PTPRN2: variants seen among roughly 807,000 people sequenced by gnomAD.
PTPRN2 encodes protein tyrosine phosphatase receptor type N2.
PTPRN2 carries 74 observed loss-of-function variants against 118.8 expected under a neutral mutation model. That is an observed-to-expected ratio of 0.62 (90% CI 0.52 to 0.76). The LOEUF (loss-of-function observed/expected upper bound fraction) is 0.76. Among genes scored for constraint, PTPRN2 ranks in the 30% least tolerant of loss-of-function variants. The pLI is 0.00. For missense variants in PTPRN2, 1,481 were observed against 1,394.4 expected, an observed-to-expected ratio of 1.06 and a Z score of -0.99; for synonymous variants, 641 against 608.0, an observed-to-expected ratio of 1.05 and a Z score of -0.80.
intron 3 of PTPRN2, among the ~76,000 whole-genome samples, chr7:158,250,109 C>T (rs1796562217): frequency 6.6e-6 from 1 of 152,132 alleles, no homozygotes; most frequent in African/African-American, 2.4e-5. Context: ...AAGTATGGTA[C>T]ATCAGCTCTA....
intron 12 of PTPRN2, among the ~76,000 whole-genome samples, chr7:157,802,616 T>C (rs1805385913): frequency 1.3e-5 from 2 of 152,236 alleles, no homozygotes; most frequent in Admixed American, 6.5e-5. Flanking sequence ...CTGAATCATA[T>C]GGTGGCTCTA....
chr7:158,138,644 G>A, intron 6 of PTPRN2, 129 bp from the exon 7 acceptor site: 1 of 755,876 alleles, frequency 1.3e-6, no homozygotes, highest in Non-Finnish European at 2.1e-6. Context: ...GCCAGGCGCA[G>A]GCCAGTGCTC....
intron 2 of PTPRN2, among the ~76,000 whole-genome samples, chr7:158,383,779 C>T (rs777377524): frequency 2.0e-5 from 3 of 152,196 alleles, no homozygotes; most frequent in African/African-American, 4.8e-5. Flanking sequence ...GGTGTCTTCA[C>T]GCACACATAT....
chr7:158,194,103 G>A (rs188066737), intron 4 of PTPRN2, among the ~76,000 whole-genome samples: 3 of 151,470 alleles, frequency 2.0e-5, no homozygotes, highest in Non-Finnish European at 2.9e-5. Flanking sequence ...AACAAAAAAA[G>A]TGTGTGCACG....
intron 6 of PTPRN2, among the ~76,000 whole-genome samples, chr7:158,150,913 G>T (rs1213758717): frequency 6.6e-6 from 1 of 151,784 alleles, no homozygotes. Flanking sequence ...CAGCAAATGG[G>T]CCCCACACAA....
intron 12 of PTPRN2, among the ~76,000 whole-genome samples, chr7:157,696,680 T>C (rs376245220): frequency 1.4e-4 from 20 of 143,216 alleles, no homozygotes; most frequent in East Asian, 2.1e-4. Context: ...TACTGGATCT[T>C]GGCAGAGCCC....
chr7:158,479,334 A>C (rs1321781334), intron 2 of PTPRN2, among the ~76,000 whole-genome samples: 1 of 151,834 alleles, frequency 6.6e-6, no homozygotes, highest in Non-Finnish European at 1.5e-5. Flanking sequence ...ATGGTGACCC[A>C]CTCGCCGACA....
At chr7:158,320,745 T>C (rs1802947865) in intron 2 of PTPRN2, among the ~76,000 whole-genome samples, 2 of 152,214 alleles carry the variant, frequency 1.3e-5, no homozygotes, top group South Asian at 4.1e-4. Context: ...GGGTGTCCTT[T>C]ATTCTAGTAA....
rs1245005013 is a variant in PTPRN2 at position 158,555,057 on chromosome 7, A to G, written c.112+32501T>C. On this transcript the variant is annotated intron_variant, in intron 1 of 22. Transcript: ENST00000389418. The surrounding 1 kb of genome is among the most constrained non-coding windows in gnomAD (Gnocchi z 4.7). ...GGCCCTGAATTCTGAGGCTGCCCAC[A>G]GCAAGCCTGATACAGAGTCACACAC... 6.6e-6 allele frequency among the ~76,000 whole-genome samples: 1 copy of G among 152,184 alleles called. No individual in the cohort carries two copies. The highest frequency in any genetic ancestry group is 2.4e-5 in the African/African-American group (1 of 41,434).
At chr7:157,797,087 A>G (rs868782487) in intron 12 of PTPRN2, among the ~76,000 whole-genome samples, 11 of 152,210 alleles carry the variant, frequency 7.2e-5, no homozygotes, top group African/African-American at 2.4e-4. Flanking sequence ...CCGGGGATTC[A>G]ACTGCACCGA....
chr7:157,983,806 TTGTC>T (rs1803502598), intron 11 of PTPRN2, among the ~76,000 whole-genome samples: 1 of 152,150 alleles, frequency 6.6e-6, no homozygotes, highest in Admixed American at 6.5e-5. Context: ...TAAGTGGAAA[TTGTC>T]TGGACGTAAT....
chr7:157,738,219 A>G (rs959536983), intron 12 of PTPRN2, among the ~76,000 whole-genome samples: 3 of 152,058 alleles, frequency 2.0e-5, no homozygotes, highest in Non-Finnish European at 4.4e-5. Context: ...ACCCAGGGGG[A>G]CGTATCTGTG....
chr7:158,180,824 A>T (rs1268474491), intron 5 of PTPRN2, among the ~76,000 whole-genome samples: 1 of 152,172 alleles, frequency 6.6e-6, no homozygotes, highest in African/African-American at 2.4e-5. Context: ...TTCGTTTATG[A>T]AATCTAGGAG....
chr7:157,661,494 G>A (rs1029758928), intron 13 of PTPRN2, among the ~76,000 whole-genome samples: 1 of 59,478 alleles, frequency 1.7e-5, no homozygotes, highest in African/African-American at 4.2e-5. Flanking sequence ...CTAGCCCGGC[G>A]CTGCTCCGCT....
rs199732669 is a variant in PTPRN2, at chr7:158,260,729, TC to T, written c.278-55457del. Reference sequence around the variant, plus strand: ...GCTGAAGATGGCAAGACCCCAAGCCTCAGGCTGGCATTTCCAGAAAACACCC... The same window carrying T: ...GCTGAAGATGGCAAGACCCCAAGCCTAGGCTGGCATTTCCAGAAAACACCC... On this transcript the variant is annotated intron_variant, in intron 3 of 22. Coordinates refer to ENST00000389418, the MANE Select transcript of PTPRN2 (RefSeq NM_002847.5). Among the ~76,000 whole-genome samples, 1,072 of 152,284 alleles carry T rather than the reference TC, an allele frequency of 7.0e-3. 4 individuals are homozygous for T. The highest frequency in any genetic ancestry group is 0.012 in the Non-Finnish European group (828 of 68,032).
chr7:158,183,754 G>C (rs2150669133), intron 5 of PTPRN2, among the ~76,000 whole-genome samples: 1 of 152,306 alleles, frequency 6.6e-6, no homozygotes, highest in African/African-American at 2.4e-5. Flanking sequence ...TCACACTGTG[G>C]GGCTTACAGT....
intron 6 of PTPRN2, among the ~76,000 whole-genome samples, chr7:158,146,503 C>T (rs914146527): frequency 3.9e-5 from 6 of 151,926 alleles, no homozygotes; most frequent in Non-Finnish European, 7.4e-5. Context: ...ATGCGGATCA[C>T]GAGGTCAGGA....
chr7:157,542,722 C>G (rs1798072050), intron 22 of PTPRN2, among the ~76,000 whole-genome samples: 1 of 152,190 alleles, frequency 6.6e-6, no homozygotes, highest in Admixed American at 6.5e-5. Context: ...TACTCACTGG[C>G]CATGTTTGGC....
rs10234498 is a variant in PTPRN2 at position 157,619,430 on chromosome 7, C to T, written c.2344+1932G>A. 0.079 allele frequency among the ~76,000 whole-genome samples: 11,997 copies of T among 152,254 alleles called. 688 individuals carry two copies. Among genetic ancestry groups the T allele is most frequent in the African/African-American group, 0.16 (6,527 of 41,552 alleles). ...CACCGGCTTCACTCCCCGCCCTCTCCTCCCCCAGGCTGCTCCTCTCTGAGG... is the reference window on the plus strand; with the variant it reads ...CACCGGCTTCACTCCCCGCCCTCTCTTCCCCCAGGCTGCTCCTCTCTGAGG... On this transcript the variant is annotated intron_variant, in intron 15 of 22. Coordinates refer to ENST00000389418, the MANE Select transcript of PTPRN2 (RefSeq NM_002847.5). This position sits in a 1 kb window ranked among gnomAD's most constrained non-coding sequence, Gnocchi z 5.3.
Sources: gnomAD v4.1 joint callset for allele counts (sites outside exome capture counted in the v4.1 genomes callset) on GRCh38, gnomAD v4.1.1 for gene constraint, Gnocchi (gnomAD v3.1) non-coding constraint, MANE v1.5 for transcripts, NCBI Gene and HGNC (gene_info 2026-07-23, HGNC 2026-07-21) for gene names.